The following TRIM2 variants were observed in gnomAD, a reference collection of about 807,000 sequenced individuals.
TRIM2 encodes tripartite motif-containing protein 2.
TRIM2 carries 20 observed loss-of-function variants against 75.2 expected under a neutral mutation model. That is an observed-to-expected ratio of 0.27 (90% CI 0.19 to 0.39). The LOEUF (loss-of-function observed/expected upper bound fraction) is 0.39. TRIM2 is among the 10% of genes least tolerant of loss of function. TRIM2 has a pLI of 1.00. For missense variants in TRIM2, 660 were observed against 990.8 expected (o/e 0.67, Z 4.48); for synonymous variants, 373 against 388.3 (o/e 0.96, Z 0.46).
chr4:153,322,880 G>A, intron 9 of TRIM2, 64 bp downstream of exon 9: 4 of 1,588,788 alleles, frequency 2.5e-6, no homozygotes, highest in Non-Finnish European at 2.6e-6. Context: ...TTTGCATGAT[G>A]TTGGAGCATG....
intron 8 of TRIM2, among the ~76,000 whole-genome samples, chr4:153,321,080 T>C (rs1768867638): frequency 6.6e-6 from 1 of 152,234 alleles, no homozygotes; most frequent in African/African-American, 2.4e-5. Context: ...TTCGCCTTCC[T>C]TGTCTGCTGT....
Position 153,273,270 on chromosome 4 carries a change from C to CTTTTTTTTTTTTTTTTTTTTTT in TRIM2, c.216-2621_216-2600dup, listed in dbSNP as rs72414117. On this transcript the variant is annotated intron_variant, in intron 2 of 11. Coordinates refer to ENST00000338700, the MANE Select transcript of TRIM2 (RefSeq NM_015271.5). The stretch of plus-strand genomic sequence containing the variant: ...ACTCAGTGAGCACCTTACAGTCACT[C>CTTTTTTTTTTTTTTTTTTTTTT]TTTTTTTTTTTTTTTTTTTTTTTGA... Among the ~76,000 whole-genome samples, 37 of 57,386 alleles carry CTTTTTTTTTTTTTTTTTTTTTT rather than the reference C, an allele frequency of 6.4e-4. 6 individuals are homozygous for CTTTTTTTTTTTTTTTTTTTTTT. The highest frequency in any genetic ancestry group is 8.6e-4 in the Non-Finnish European group (27 of 31,292). 37.6% of individuals were successfully genotyped at this position (57,386 alleles called of 152,430 possible).
At chr4:153,274,108 G>T (rs1239642229) in intron 2 of TRIM2, among the ~76,000 whole-genome samples, 1 of 152,190 alleles carries the variant, frequency 6.6e-6, no homozygotes, top group African/African-American at 2.4e-5. Context: ...TTTTGTCTTT[G>T]TTGTAAGAGC....
chr4:153,313,140 A>G (rs772796536), intron 6 of TRIM2, among the ~76,000 whole-genome samples: 1 of 150,734 alleles, frequency 6.6e-6, no homozygotes, highest in Non-Finnish European at 1.5e-5. Context: ...AGGGCCAACC[A>G]CTCCTTTCCT....
chr4:153,280,441 C>T (rs1384613877), intron 3 of TRIM2, among the ~76,000 whole-genome samples: 1 of 138,292 alleles, frequency 7.2e-6, no homozygotes, highest in Non-Finnish European at 1.5e-5. Context: ...GTGCAAGTGG[C>T]ACTATCTATC....
chr4:153,164,336 GA>G (rs1476107047), intron 1 of TRIM2, among the ~76,000 whole-genome samples: 12 of 152,110 alleles, frequency 7.9e-5, no homozygotes, highest in African/African-American at 2.9e-4. Flanking sequence ...TTAAAAATAA[GA>G]TGGTACTTTT....
At chr4:153,321,576 T>C (rs1768998502) in intron 8 of TRIM2, among the ~76,000 whole-genome samples, 1 of 152,228 alleles carries the variant, frequency 6.6e-6, no homozygotes, top group Non-Finnish European at 1.5e-5. Flanking sequence ...ATGATTGCCC[T>C]ATAATAATGC....
intron 1 of TRIM2, among the ~76,000 whole-genome samples, chr4:153,251,754 A>T (rs908855525): frequency 6.6e-6 from 1 of 152,146 alleles, no homozygotes; most frequent in Admixed American, 6.6e-5. Flanking sequence ...TGAGATGGGC[A>T]TATCACTTGA....
chr4:153,303,282 G>A (rs1764298216), intron 6 of TRIM2, among the ~76,000 whole-genome samples: 1 of 150,808 alleles, frequency 6.6e-6, no homozygotes, highest in African/African-American at 2.4e-5. Context: ...TGGCCAACAT[G>A]GTGAAGCCCC....
In TRIM2 at chr4:153,293,072, A is replaced by G; in HGVS notation, c.544A>G (p.Lys182Glu). ...EHAEHPTVPL[K>E]DVVEQHKASL... ...CGCAGAGCACCCCACAGTTCCACTCAAGGATGTGGTGGAACAGCACAAGGC... is the reference window on the plus strand; with the variant it reads ...CGCAGAGCACCCCACAGTTCCACTCGAGGATGTGGTGGAACAGCACAAGGC... Residue 182 changes from lysine (K) to glutamate (E), a missense_variant, in exon 4 of 12, where the codon AAG (lysine) becomes GAG (glutamate). Around this residue, in one of 2 missense-constraint regions of TRIM2, gnomAD observed 620 missense variants for 891.0 expected, o/e 0.70. Coordinates refer to ENST00000338700, the MANE Select transcript of TRIM2 (RefSeq NM_015271.5). 6.2e-7 allele frequency: 1 copy of G among 1,613,724 alleles called. No individual in the cohort carries two copies. The highest frequency in any genetic ancestry group is 1.1e-5 in the South Asian group (1 of 91,064).
intron 2 of TRIM2, among the ~76,000 whole-genome samples, chr4:153,274,753 A>C (rs145144683): frequency 1.4e-4 from 21 of 152,328 alleles, no homozygotes; most frequent in African/African-American, 3.8e-4. Flanking sequence ...GAAATTTTTC[A>C]ATAAAAAGGA....
At chr4:153,244,144 GTTCTTCTTGTTC>G (rs1208547019) in intron 1 of TRIM2, among the ~76,000 whole-genome samples, 42 of 130,092 alleles carry the variant, frequency 3.2e-4, no homozygotes, top group Admixed American at 3.7e-4. Flanking sequence ...TCTTCTTCTT[GTTCTTCTTGTTC>G]TTCTTCTTCT....
At chr4:153,244,361 T>TTCTTCTTCC (rs1748129773) in intron 1 of TRIM2, among the ~76,000 whole-genome samples, 2 of 26,972 alleles carry the variant, frequency 7.4e-5, no homozygotes, top group African/African-American at 3.1e-4. Flanking sequence ...CTTCCTCTTC[T>TTCTTCTTCC]TCTTCTTCTT....
At chr4:153,198,583 C>T (rs1271148729) in intron 1 of TRIM2, among the ~76,000 whole-genome samples, 1 of 152,182 alleles carries the variant, frequency 6.6e-6, no homozygotes, top group Non-Finnish European at 1.5e-5. Context: ...CACCATTCAT[C>T]TATGTATTAT....
At chr4:153,324,828 A>G (rs1219498157) in intron 10 of TRIM2, among the ~76,000 whole-genome samples, 1 of 152,246 alleles carries the variant, frequency 6.6e-6, no homozygotes, top group South Asian at 2.1e-4. Context: ...CACTGAAGGT[A>G]TGATCCGTGG....
intron 1 of TRIM2, among the ~76,000 whole-genome samples, chr4:153,210,653 T>C (rs376583773): frequency 1.6e-4 from 25 of 152,326 alleles, no homozygotes; most frequent in African/African-American, 6.0e-4. Context: ...TCTATTTTCT[T>C]GAGAGCATTT....
rs568623048 is a variant in TRIM2, at chr4:153,252,298, G to A, written c.31-18037G>A. On this transcript the variant is annotated intron_variant, in intron 1 of 11. Transcript: ENST00000338700. ...TCTACTCTGGAGTTGCCTGATTACTGTTCCTGTTCTTGCACATCCTGGGGC... is the reference window on the plus strand; with the variant it reads ...TCTACTCTGGAGTTGCCTGATTACTATTCCTGTTCTTGCACATCCTGGGGC... 2.1e-4 allele frequency among the ~76,000 whole-genome samples: 32 copies of A among 152,234 alleles called. 1 individual carries two copies. The highest frequency in any genetic ancestry group is 6.0e-4 in the African/African-American group (25 of 41,532).
At position 153,330,446 on chromosome 4, in the gene TRIM2, T is replaced by C. The variant is rs528633020; in HGVS notation, c.2163+1776T>C. Among the ~76,000 whole-genome samples the C allele has an allele frequency of 1.5e-4, 23 of 152,268 alleles. No individual in the cohort carries two copies. The South Asian group carries it at 4.6e-3, about 30-fold the overall frequency. ...AATATAATTCAGCAATATGTAAAAA[T>C]TGCTCCATGACCAAGTGGAGTTTAT... is the stretch of plus-strand genomic sequence containing the variant. On this transcript the variant is annotated intron_variant, in intron 11 of 11. Transcript: ENST00000338700.
rs1745250166 is a variant in TRIM2 at position 153,237,163 on chromosome 4, A to G, written c.30+32603A>G. Reference sequence around the variant, plus strand: ...TTGGGGGTTGGGGTGTGGGAAATTAAGGTTTAACTTGTCTTTTGACTCTTA... The same window carrying G: ...TTGGGGGTTGGGGTGTGGGAAATTAGGGTTTAACTTGTCTTTTGACTCTTA... On this transcript the variant is annotated intron_variant, in intron 1 of 11. Coordinates refer to ENST00000338700, the MANE Select transcript of TRIM2 (RefSeq NM_015271.5). Among the ~76,000 whole-genome samples, 2 of 152,082 alleles carry G rather than the reference A, an allele frequency of 1.3e-5. 1 individual carries two copies. Among genetic ancestry groups the G allele is most frequent in the South Asian group, 4.1e-4 (2 of 4,828 alleles).
Sources: allele counts gnomAD v4.1 joint callset (sites outside exome capture counted in the v4.1 genomes callset), GRCh38; gene constraint gnomAD v4.1.1; regional missense constraint gnomAD v4.1.1; transcripts MANE v1.5; gene names NCBI Gene and HGNC (gene_info 2026-07-23, HGNC 2026-07-21).